The following CUX1 variants were observed in gnomAD, a reference collection of about 807,000 sequenced individuals.
The protein encoded by CUX1 is cut like homeobox 1, also known as protein CASP.
In CUX1, 31 loss-of-function variants were observed where a neutral mutation model predicts 158.8. The observed-to-expected ratio is 0.20, with a 90% CI of 0.15 to 0.26. The LOEUF (loss-of-function observed/expected upper bound fraction) is 0.26. Among genes scored for constraint, CUX1 ranks in the 10% least tolerant of loss-of-function variants. The pLI, the probability that CUX1 is intolerant of heterozygous loss-of-function variation, is 1.00. For synonymous variants in CUX1, 879 were observed against 862.1 expected (o/e 1.02, Z -0.34); for missense variants, 1,589 against 2,014.6 (o/e 0.79, Z 4.04).
At chr7:102,264,989 G>A (rs1347084157) in intron 14 of CUX1, 3 of 152,230 alleles carry the variant, frequency 2.0e-5, no homozygotes, top group South Asian at 2.1e-4. Context: ...ACCACAGACA[G>A]CACGAGGTCA....
At chr7:102,207,099 C>A (rs1259276592) in intron 20 of CUX1, among the ~76,000 whole-genome samples, 2 of 152,168 alleles carry the variant, frequency 1.3e-5, no homozygotes, top group Non-Finnish European at 2.9e-5. Flanking sequence ...AGGAAAAACA[C>A]ACTAGGCTCC....
chr7:102,196,891 T>C lies in CUX1; in HGVS notation c.1480T>C (p.Ser494Pro). Residue 494 changes from serine (S) to proline (P), a missense_variant, in exon 15 of 24, where the codon TCC (serine) becomes CCC (proline). Coordinates refer to ENST00000292535, the MANE Select transcript of CUX1 (RefSeq NM_181552.4). The stretch of plus-strand genomic sequence containing the variant: ...GCGGCAGCTAATGCAGTCCTTCTAC[T>C]CCAAGGCTATGCAGGAAGCCGGAAG... ...LQRQLMQSFY[S>P]KAMQEAGSTS... is the part of the protein sequence containing the mutation. 1 of 1,614,160 alleles carries C rather than the reference T, an allele frequency of 6.2e-7. No homozygotes were observed. The highest frequency in any genetic ancestry group is 8.5e-7 in the Non-Finnish European group (1 of 1,180,032).
rs992859623 is a variant in CUX1 at position 101,964,285 on chromosome 7, G to A, written c.141+48060G>A. On this transcript the variant is annotated intron_variant, in intron 2 of 23. Transcript: ENST00000292535. ...GGAGAATTGCTTGAACCTGGGGGGC[G>A]GAGGTTGCAGTGAGCTGAGATCATG... 2.0e-5 allele frequency among the ~76,000 whole-genome samples: 3 copies of A among 152,006 alleles called. No individual in the cohort carries two copies. In the East Asian group the frequency reaches 5.8e-4, roughly 30 times the overall value.
chr7:101,862,022 A>T (rs974016446), intron 1 of CUX1, among the ~76,000 whole-genome samples: 1 of 152,070 alleles, frequency 6.6e-6, no homozygotes, highest in Non-Finnish European at 1.5e-5. Flanking sequence ...TTTAATAGAG[A>T]TGGGGTTTCA....
Position 102,058,383 on chromosome 7 carries a change from C to T in CUX1, c.190-11956C>T, listed in dbSNP as rs193200886. On this transcript the variant is annotated intron_variant, in intron 3 of 23. Coordinates refer to ENST00000292535, the MANE Select transcript of CUX1 (RefSeq NM_181552.4). ...CCACCTCCAGGGTTCAAGCGATTCT[C>T]ATGCCTCAGCCTCCCGAGTAGCTGG... Among the ~76,000 whole-genome samples, 252 of 152,314 alleles carry T rather than the reference C, an allele frequency of 1.7e-3. 1 individual carries two copies. Among genetic ancestry groups the T allele is most frequent in the African/African-American group, 5.8e-3 (242 of 41,566 alleles).
In CUX1 at chr7:102,202,138, G is replaced by A; in HGVS notation, c.2841G>A (p.Glu947=). The A allele has an allele frequency of 6.2e-7, 1 of 1,613,912 alleles. No individual in the cohort carries two copies. The highest frequency in any genetic ancestry group is 8.5e-7 in the Non-Finnish European group (1 of 1,179,858). The stretch of plus-strand genomic sequence containing the variant: ...TGTACCAGGAGGTGGACACCATCGA[G>A]CTCACCCGGCAGGTTAAGGAAAAGC... ...VYMYQEVDTI[E]LTRQVKEKLA... is the part of the protein sequence containing the mutation. Residue 947 remains glutamate (E), a synonymous_variant, in exon 18 of 24, where the codon GAG becomes GAA. Coordinates refer to ENST00000292535, the MANE Select transcript of CUX1 (RefSeq NM_181552.4).
intron 1 of CUX1, among the ~76,000 whole-genome samples, chr7:101,832,527 G>T (rs757664146): frequency 1.3e-5 from 2 of 152,172 alleles, no homozygotes; most frequent in African/African-American, 2.4e-5. Flanking sequence ...CAAGTGGGGC[G>T]ACAGGACCCA....
chr7:102,119,996 A>T (rs1831865593), intron 8 of CUX1, among the ~76,000 whole-genome samples: 1 of 152,232 alleles, frequency 6.6e-6, no homozygotes, highest in African/African-American at 2.4e-5. Flanking sequence ...GGATTTTAAC[A>T]TCTAAACAAT....
At chr7:101,865,986 G>A (rs1228897472) in intron 1 of CUX1, among the ~76,000 whole-genome samples, 1 of 152,152 alleles carries the variant, frequency 6.6e-6, no homozygotes, top group Admixed American at 6.6e-5. Flanking sequence ...AAATCATATG[G>A]GACCCTTTAT....
chr7:102,049,493 T>C (rs1008263695), intron 3 of CUX1, among the ~76,000 whole-genome samples: 3 of 152,034 alleles, frequency 2.0e-5, no homozygotes, highest in African/African-American at 7.2e-5. Flanking sequence ...GATTTAGAAG[T>C]AGGAGAAGAG....
intron 14 of CUX1, among the ~76,000 whole-genome samples, chr7:102,267,102 G>A (rs1320636843): frequency 6.6e-6 from 1 of 152,004 alleles, no homozygotes; most frequent in Non-Finnish European, 1.5e-5. Flanking sequence ...GTCACCTGAG[G>A]CTACCTGCAG....
chr7:102,206,962 A>G (rs1796016899), intron 20 of CUX1, among the ~76,000 whole-genome samples: 1 of 152,188 alleles, frequency 6.6e-6, no homozygotes, highest in South Asian at 2.1e-4. Flanking sequence ...AGGCCTGCTA[A>G]TGATCGATGC....
At chr7:102,058,465 T>C (rs1824409329) in intron 3 of CUX1, among the ~76,000 whole-genome samples, 1 of 151,826 alleles carries the variant, frequency 6.6e-6, no homozygotes. Flanking sequence ...GTATTTTTAG[T>C]AGAGACAGGG....
rs576793799 is a variant in CUX1 at position 102,024,126 on chromosome 7, A to G, written c.142-3972A>G. ...AGGTTGGCAGGGTTGGGGGTAACCC[A>G]GGAGCATGCCTGCTAAGGCACACTG... On this transcript the variant is annotated intron_variant, in intron 2 of 23. Coordinates refer to ENST00000292535, the MANE Select transcript of CUX1 (RefSeq NM_181552.4). 2.0e-5 allele frequency among the ~76,000 whole-genome samples: 3 copies of G among 152,370 alleles called. No homozygotes were observed. The South Asian group carries it at 6.2e-4, about 32-fold the overall frequency.
Position 102,200,228 on chromosome 7 carries a change from T to C in CUX1, c.2062+56T>C, listed in dbSNP as rs991475063. 4.9e-6 allele frequency: 7 copies of C among 1,426,368 alleles called. 1 individual carries two copies. In the Admixed American group the frequency reaches 1.4e-4, roughly 29 times the overall value. The allele number at this position is 1,426,368 out of a possible 1,614,324, so 88.4% of individuals were successfully genotyped here. ...TCAAACTTAATTAAGAGAATTGTCA[T>C]GAGTGCTCTGGTCAGCAGTAATTAA... On this transcript the variant is annotated intron_variant, in intron 17 of 23. Coordinates refer to ENST00000292535, the MANE Select transcript of CUX1 (RefSeq NM_181552.4).
intron 2 of CUX1, among the ~76,000 whole-genome samples, chr7:102,007,449 G>A (rs563142627): frequency 2.8e-4 from 43 of 151,564 alleles, no homozygotes; most frequent in African/African-American, 1.0e-3. Flanking sequence ...CCCACCCTCC[G>A]CCCCTGGGTG....
At chr7:101,955,640 G>C (rs1035277462) in intron 2 of CUX1, among the ~76,000 whole-genome samples, 1 of 152,178 alleles carries the variant, frequency 6.6e-6, no homozygotes, top group African/African-American at 2.4e-5. Flanking sequence ...AGAAGTCCCA[G>C]ACTGTGTCTT....
At chr7:102,047,127 T>A (rs1450317188) in intron 3 of CUX1, among the ~76,000 whole-genome samples, 2 of 152,154 alleles carry the variant, frequency 1.3e-5, no homozygotes, top group Non-Finnish European at 2.9e-5. Context: ...AACTAGACCC[T>A]GGTTAGTGGT....
chr7:102,137,596 G>A (rs1250915412), intron 8 of CUX1, among the ~76,000 whole-genome samples: 4 of 152,100 alleles, frequency 2.6e-5, no homozygotes, highest in East Asian at 1.9e-4. Context: ...AGATGGCACC[G>A]CTGCACTCCA....
Sources: allele counts gnomAD v4.1 joint callset (sites outside exome capture counted in the v4.1 genomes callset), GRCh38; gene constraint gnomAD v4.1.1; transcripts MANE v1.5; gene names NCBI Gene and HGNC (gene_info 2026-07-23, HGNC 2026-07-21).